UVRAG: variants seen among roughly 807,000 people sequenced by gnomAD.
The protein encoded by UVRAG is UV radiation resistance associated, also known as UV radiation resistance-associated gene protein.
In UVRAG, 19 loss-of-function variants were observed where a neutral mutation model predicts 78.0. The ratio of observed to expected loss-of-function variants is 0.24; its 90% confidence interval spans 0.17 to 0.36. UVRAG has a LOEUF of 0.36. Ranked by LOEUF, UVRAG falls within the 10% of genes least tolerant of loss-of-function variation. The pLI, the probability that UVRAG is intolerant of heterozygous loss-of-function variation, is 1.00. For synonymous variants in UVRAG, 323 were observed against 324.6 expected, an observed-to-expected ratio of 1.00 and a Z score of 0.05; for missense variants, 740 against 853.8, an observed-to-expected ratio of 0.87 and a Z score of 1.66.
rs114231016 is a variant in UVRAG at position 75,852,104 on chromosome 11, C to T, written c.235+104C>T. On this transcript the variant is annotated intron_variant, in intron 2 of 14. Coordinates refer to ENST00000356136, the MANE Select transcript of UVRAG (RefSeq NM_003369.4). ...TCCTGCTTTTGTGGCTTCTCGGAAA[C>T]CTAAATTGTTATGCTGTCTGAAAAT... 2.6e-3 allele frequency: 1,904 copies of T among 732,424 alleles called. 30 individuals carry two copies. In the African/African-American group the frequency reaches 0.032, roughly 12 times the overall value. 45.4% of individuals were successfully genotyped at this position (732,424 alleles called of 1,614,324 possible).
intron 7 of UVRAG, among the ~76,000 whole-genome samples, chr11:75,965,475 T>C (rs1380523131): frequency 6.6e-6 from 1 of 152,036 alleles, no homozygotes; most frequent in African/African-American, 2.4e-5. Context: ...CCACGCCCAG[T>C]TAATTTTTTA....
At chr11:75,896,230 A>G (rs945897419) in intron 5 of UVRAG, among the ~76,000 whole-genome samples, 18 of 151,976 alleles carry the variant, frequency 1.2e-4, no homozygotes, top group Non-Finnish European at 2.6e-4. Context: ...AGGCTGGGTG[A>G]CCTTTAGAGA....
In UVRAG at chr11:76,137,405, C is replaced by A. The variant is rs574845197; in HGVS notation, c.1398-3306C>A. 8.8e-6 allele frequency: 4 copies of A among 456,036 alleles called. No individual in the cohort carries two copies. In the East Asian group the frequency reaches 2.8e-4, roughly 32 times the overall value. 28.2% of individuals were successfully genotyped at this position (456,036 alleles called of 1,614,324 possible). On this transcript the variant is annotated intron_variant, in intron 14 of 14. Transcript: ENST00000356136. ...GCTCAGTAATGTTCATATCAGTGGC[C>A]CAGAGGCAACGAGAAAATGCCTTTT...
Position 75,879,976 on chromosome 11 carries a change from A to C in UVRAG, c.368A>C (p.Asn123Thr). ...FVVKIWGGKENIYQLLIEWKV... is the reference protein window; with the variant it reads ...FVVKIWGGKETIYQLLIEWKV... ...GTGAAGATATGGGGTGGAAAGGAGA[A>C]CATCTACCAGCTGTTGATTGAATGG... is the stretch of plus-strand genomic sequence containing the variant. The change falls in exon 4 of 15, where the codon AAC becomes ACC. Residue 123 changes from asparagine to threonine, a missense_variant. Asn to Thr is a moderately conservative substitution (Grantham distance 65, BLOSUM62 0). Transcript: ENST00000356136. 1.2e-6 allele frequency: 2 copies of C among 1,614,168 alleles called. No individual in the cohort carries two copies. Among genetic ancestry groups the C allele is most frequent in the Non-Finnish European group, 1.7e-6 (2 of 1,180,022 alleles).
At chr11:75,860,041 T>C (rs1203446784) in intron 2 of UVRAG, among the ~76,000 whole-genome samples, 1 of 152,244 alleles carries the variant, frequency 6.6e-6, no homozygotes, top group Non-Finnish European at 1.5e-5. Context: ...ACCTTCTGGG[T>C]TCAAGTGATT....
chr11:76,107,232 C>T (rs970643092), intron 13 of UVRAG, among the ~76,000 whole-genome samples: 1 of 152,174 alleles, frequency 6.6e-6, no homozygotes, highest in Non-Finnish European at 1.5e-5. Context: ...CAGATATAAT[C>T]TGTGCCTTGT....
chr11:76,016,663 A>C, intron 11 of UVRAG, 152 bp from the exon 12 acceptor site: 1 of 658,614 alleles, frequency 1.5e-6, no homozygotes, highest in Non-Finnish European at 2.3e-6. Context: ...TAATGTGTTT[A>C]CATTTGCATA....
intron 13 of UVRAG, among the ~76,000 whole-genome samples, chr11:76,106,307 T>G (rs1951968311): frequency 6.6e-6 from 1 of 152,170 alleles, no homozygotes; most frequent in South Asian, 2.1e-4. Flanking sequence ...GTAATCTTGA[T>G]CTGAGTGTAT....
At chr11:75,878,899 C>G (rs1353232496) in intron 3 of UVRAG, among the ~76,000 whole-genome samples, 10 of 91,714 alleles carry the variant, frequency 1.1e-4, no homozygotes, top group East Asian at 5.5e-4. Context: ...GGGACAGGGA[C>G]AGGGAGGGGG....
chr11:76,035,685 C>G (rs1373322232), intron 12 of UVRAG, among the ~76,000 whole-genome samples: 1 of 152,052 alleles, frequency 6.6e-6, no homozygotes, highest in Non-Finnish European at 1.5e-5. Flanking sequence ...ACAGTAACAA[C>G]AATTAAAAAT....
At chr11:76,000,659 GT>G (rs1378588717) in intron 8 of UVRAG, among the ~76,000 whole-genome samples, 1 of 151,764 alleles carries the variant, frequency 6.6e-6, no homozygotes, top group African/African-American at 2.4e-5. Flanking sequence ...TAGATTAAAA[GT>G]TAAAGAATGG....
chr11:75,839,674 T>G (rs537463897), intron 1 of UVRAG, among the ~76,000 whole-genome samples: 1 of 152,226 alleles, frequency 6.6e-6, no homozygotes, highest in South Asian at 2.1e-4. Context: ...ATATTTTCTT[T>G]CTGTTCCTAT....
intron 1 of UVRAG, among the ~76,000 whole-genome samples, chr11:75,825,939 C>T (rs936332374): frequency 1.2e-4 from 18 of 150,824 alleles, no homozygotes; most frequent in African/African-American, 2.7e-4. Context: ...TGGGTTCAAG[C>T]GATTCTCCTG....
chr11:76,120,693 G>C (rs1952257032), intron 14 of UVRAG, among the ~76,000 whole-genome samples: 1 of 152,180 alleles, frequency 6.6e-6, no homozygotes, highest in Non-Finnish European at 1.5e-5. Flanking sequence ...TACTAAAGTA[G>C]ATGCAAAGCA....
At chr11:76,029,325 C>T (rs1419115333) in intron 12 of UVRAG, among the ~76,000 whole-genome samples, 2 of 151,800 alleles carry the variant, frequency 1.3e-5, no homozygotes, top group African/African-American at 4.8e-5. Flanking sequence ...ATTCCGCAAC[C>T]CATGGATGAC....
intron 12 of UVRAG, among the ~76,000 whole-genome samples, chr11:76,017,650 A>G (rs1244768260): frequency 1.3e-5 from 2 of 152,208 alleles, no homozygotes; most frequent in African/African-American, 4.8e-5. Flanking sequence ...CTAGAGAGAA[A>G]GACATGATAG....
chr11:76,005,504 A>G (rs1468890487), intron 9 of UVRAG, among the ~76,000 whole-genome samples: 1 of 152,230 alleles, frequency 6.6e-6, no homozygotes, highest in Non-Finnish European at 1.5e-5. Flanking sequence ...GTTTTAGATA[A>G]CTAAAAAACC....
At chr11:75,895,258 A>G (rs1947315775) in intron 5 of UVRAG, among the ~76,000 whole-genome samples, 1 of 152,142 alleles carries the variant, frequency 6.6e-6, no homozygotes, top group African/African-American at 2.4e-5. Context: ...GATTTTGTTG[A>G]TGTTAATACT....
At chr11:75,876,590 A>G (rs1272369112) in intron 3 of UVRAG, among the ~76,000 whole-genome samples, 1 of 152,072 alleles carries the variant, frequency 6.6e-6, no homozygotes, top group African/African-American at 2.4e-5. Flanking sequence ...TTTAGTTTTT[A>G]TACAATCCAG....
Sources: gnomAD v4.1 joint callset for allele counts (sites outside exome capture counted in the v4.1 genomes callset) on GRCh38, gnomAD v4.1.1 for gene constraint, MANE v1.5 for transcripts, NCBI Gene and HGNC (gene_info 2026-07-23, HGNC 2026-07-21) for gene names.